The following EMP1 variants were observed in gnomAD, a reference collection of about 807,000 sequenced individuals.
EMP1 encodes the protein epithelial membrane protein 1, also known as tumor-associated membrane protein.
EMP1 carries 5 observed loss-of-function variants against 15.7 expected under a neutral mutation model. The ratio of observed to expected loss-of-function variants is 0.32; its 90% CI spans 0.17 to 0.67. EMP1 has a LOEUF of 0.67. EMP1 is among the 30% of genes least tolerant of loss of function. EMP1 has a pLI of 0.74. For missense variants in EMP1, 166 were observed against 194.2 expected, an observed-to-expected ratio of 0.85 and a Z score of 0.86; for synonymous variants, 78 against 76.7, an observed-to-expected ratio of 1.02 and a Z score of -0.09.
rs1864217695 is a variant in EMP1, at chr12:13,216,565, C to CTTCT, written c.*1875_*1876insTCTT. The CTTCT allele has an allele frequency of 6.0e-6, 4 of 667,282 alleles. No individual in the cohort carries two copies. The highest frequency in any genetic ancestry group is 1.1e-5 in the Non-Finnish European group (4 of 368,658). 41.3% of individuals were successfully genotyped at this position (667,282 alleles called of 1,614,324 possible). A position where few individuals can be genotyped will look rare whatever the true frequency, so the allele number is the denominator to read the frequency against. On this transcript the variant is annotated 3_prime_UTR_variant, in exon 5 of 5. Transcript: ENST00000256951. ...ACTCACATTTTGTTAAGAAGTTGAA[C>CTTCT]TATGACTGGAGTAAACCATGTATTC...
chr12:13,208,206 A>G (rs890886160), intron 1 of EMP1, among the ~76,000 whole-genome samples: 2 of 152,228 alleles, frequency 1.3e-5, no homozygotes, highest in Admixed American at 6.5e-5. Flanking sequence ...GTATGAAGCA[A>G]GATTCACAAT....
At chr12:13,203,988 G>A (rs1160040330) in intron 1 of EMP1, among the ~76,000 whole-genome samples, 3 of 152,134 alleles carry the variant, frequency 2.0e-5, no homozygotes, top group African/African-American at 4.8e-5. Flanking sequence ...AGACCAACAC[G>A]ACTTGCTGTA....
chr12:13,213,100 CT>C (rs1279375986), intron 2 of EMP1, among the ~76,000 whole-genome samples: 1 of 152,206 alleles, frequency 6.6e-6, no homozygotes, highest in Non-Finnish European at 1.5e-5. Context: ...ATGAAACAAT[CT>C]TGTTAGAGTA....
intron 2 of EMP1, among the ~76,000 whole-genome samples, chr12:13,212,053 G>A (rs553646967): frequency 1.3e-5 from 2 of 152,352 alleles, no homozygotes; most frequent in East Asian, 3.9e-4. Flanking sequence ...GGCTGGAGCC[G>A]AACTTCCCCT....
rs1864166993 is a variant in EMP1, at chr12:13,211,786, T to C, written c.78+198T>C. 3.3e-6 allele frequency: 2 copies of C among 613,120 alleles called. No homozygotes were observed. Among genetic ancestry groups the C allele is most frequent in the Admixed American group, 3.0e-5 (1 of 33,378 alleles). The allele number at this position is 613,120 out of a possible 1,614,324, so 38.0% of individuals were successfully genotyped here. On this transcript the variant is annotated intron_variant, in intron 2 of 4. Coordinates refer to ENST00000256951, the MANE Select transcript of EMP1 (RefSeq NM_001423.3). The surrounding 1 kb of genome is among the most constrained non-coding windows in gnomAD (Gnocchi z 4.7). The stretch of plus-strand genomic sequence containing the variant: ...TAAAAGTGAATGTCCACAGGAGTAA[T>C]CCTGCCAGAGCTGTAGGTGGTTAAG...
intron 1 of EMP1, among the ~76,000 whole-genome samples, chr12:13,200,530 C>A (rs1325987492): frequency 6.6e-6 from 1 of 152,202 alleles, no homozygotes; most frequent in Non-Finnish European, 1.5e-5. Flanking sequence ...CTGGACTGCA[C>A]TTGCTATTCA....
At position 13,211,354 on chromosome 12, in the gene EMP1, T is replaced by A; in HGVS notation, c.-42-115T>A. On this transcript the variant is annotated intron_variant, in intron 1 of 4. Coordinates refer to ENST00000256951, the MANE Select transcript of EMP1 (RefSeq NM_001423.3). This position sits in a 1 kb window ranked among gnomAD's most constrained non-coding sequence, Gnocchi z 4.7. ...TCAGGAATTTATGATTAGATTGTGA[T>A]GGTTTTTAGTGCAGCTCTTCCTCAT... is the stretch of plus-strand genomic sequence containing the variant. 1 of 724,684 alleles carries A rather than the reference T, an allele frequency of 1.4e-6. No homozygotes were observed. Among genetic ancestry groups the A allele is most frequent in the Non-Finnish European group, 2.4e-6 (1 of 421,174 alleles). The allele number at this position is 724,684 out of a possible 1,614,324, so 44.9% of individuals were successfully genotyped here.
chr12:13,210,632 AATGTC>A (rs1864156728), intron 1 of EMP1, among the ~76,000 whole-genome samples: 1 of 152,184 alleles, frequency 6.6e-6, no homozygotes. Context: ...AATTTGTGTA[AATGTC>A]ATGTACAAGG....
intron 1 of EMP1, among the ~76,000 whole-genome samples, chr12:13,206,789 C>T (rs570020827): frequency 6.6e-6 from 1 of 152,286 alleles, no homozygotes; most frequent in Admixed American, 6.5e-5. Context: ...TAGTTACCCA[C>T]CAGAAAAGGA....
intron 1 of EMP1, among the ~76,000 whole-genome samples, chr12:13,203,095 G>A (rs530061731): frequency 7.2e-5 from 11 of 152,220 alleles, no homozygotes; most frequent in African/African-American, 2.2e-4. Context: ...CTAGGCGAGG[G>A]GCCTCCCCTC....
At chr12:13,210,162 CT>C (rs1565579088) in intron 1 of EMP1, among the ~76,000 whole-genome samples, 45 of 152,208 alleles carry the variant, frequency 3.0e-4, no homozygotes, top group Non-Finnish European at 5.4e-4. Flanking sequence ...TCAGTGCTCT[CT>C]AATAAATACC....
At chr12:13,212,518 G>A (rs149260278) in intron 2 of EMP1, among the ~76,000 whole-genome samples, 19 of 152,292 alleles carry the variant, frequency 1.2e-4, no homozygotes, top group African/African-American at 4.1e-4. Context: ...GACAACCCCC[G>A]CCCACGTGAC....
In EMP1 at chr12:13,211,646, A is replaced by G. The variant is rs188160823; in HGVS notation, c.78+58A>G. Reference sequence around the variant, plus strand: ...GAGAAATCATTCGAATATTTACATCAAGTGCACAAAAGAAGTTTAAGCCAC... The same window carrying G: ...GAGAAATCATTCGAATATTTACATCGAGTGCACAAAAGAAGTTTAAGCCAC... On this transcript the variant is annotated intron_variant, in intron 2 of 4. Coordinates refer to ENST00000256951, the MANE Select transcript of EMP1 (RefSeq NM_001423.3). This position sits in a 1 kb window ranked among gnomAD's most constrained non-coding sequence, Gnocchi z 4.7. 1 of 1,592,284 alleles carries G rather than the reference A, an allele frequency of 6.3e-7. No homozygotes were observed. The highest frequency in any genetic ancestry group is 2.2e-5 in the East Asian group (1 of 44,770).
rs1168522576 is a variant in EMP1 at position 13,213,560 on chromosome 12, T to C, written c.160T>C (p.Ser54Pro). 1 of 1,614,184 alleles carries C rather than the reference T, an allele frequency of 6.2e-7. No individual in the cohort carries two copies. Among genetic ancestry groups the C allele is most frequent in the Non-Finnish European group, 8.5e-7 (1 of 1,180,026 alleles). ...CTNISCSDSL[S>P]YASEDALKTV... is the part of the protein sequence containing the mutation. ...CAACATTAGCTGCAGTGACAGCCTG[T>C]CATATGCCAGTGAAGGTATATATAA... Residue 54 changes from serine (S) to proline (P), a missense_variant, in exon 3 of 5, where the codon TCA becomes CCA. Physicochemically the swap from Ser to Pro is moderately conservative, Grantham distance 74 (BLOSUM62 -1). Coordinates refer to ENST00000256951, the MANE Select transcript of EMP1 (RefSeq NM_001423.3).
rs1033710865 is a variant in EMP1 at position 13,218,406 on chromosome 12, C to A, written c.*3715C>A. On this transcript the variant is annotated 3_prime_UTR_variant, in exon 5 of 5. Transcript: ENST00000256951. The stretch of plus-strand genomic sequence containing the variant: ...ATCCTGTATAGATGAAATGTCCTAG[C>A]GAAAATGTTTAAATGTATTTAAAGA... The A allele has an allele frequency of 6.6e-6, 1 of 151,820 alleles. No homozygotes were observed. Among genetic ancestry groups the A allele is most frequent in the Non-Finnish European group, 1.5e-5 (1 of 67,990 alleles). The allele number at this position is 151,820 out of a possible 1,614,324, so 9.4% of individuals were successfully genotyped here.
At chr12:13,207,222 C>T (rs1206298390) in intron 1 of EMP1, among the ~76,000 whole-genome samples, 1 of 152,170 alleles carries the variant, frequency 6.6e-6, no homozygotes, top group Non-Finnish European at 1.5e-5. Context: ...AGTGATTCTC[C>T]TGCCTCAGCC....
chr12:13,208,467 A>G (rs1864133464), intron 1 of EMP1, among the ~76,000 whole-genome samples: 2 of 152,228 alleles, frequency 1.3e-5, no homozygotes, highest in Non-Finnish European at 2.9e-5. Flanking sequence ...GATTCAGCCC[A>G]GAAACTCAAG....
In EMP1 at chr12:13,213,536, A is replaced by C. The variant is rs745988716; in HGVS notation, c.136A>C (p.Asn46His). The C allele has an allele frequency of 6.2e-7, 1 of 1,614,246 alleles. No individual in the cohort carries two copies. The highest frequency in any genetic ancestry group is 8.5e-7 in the Non-Finnish European group (1 of 1,180,044). ...ASVGLWKNCT[N>H]ISCSDSLSYA... ...AGTAGGTCTTTGGAAAAACTGTACCAACATTAGCTGCAGTGACAGCCTGTC... is the reference window on the plus strand; with the variant it reads ...AGTAGGTCTTTGGAAAAACTGTACCCACATTAGCTGCAGTGACAGCCTGTC... Residue 46 changes from asparagine to histidine, a missense_variant, in exon 3 of 5, where the codon AAC becomes CAC. Physicochemically the swap from Asn to His is moderately conservative, Grantham distance 68. Transcript: ENST00000256951.
rs1864241370 is a variant in EMP1, at chr12:13,219,504, G to A, written c.*4813G>A. 1 of 152,084 alleles carries A rather than the reference G, an allele frequency of 6.6e-6. No individual in the cohort carries two copies. Among genetic ancestry groups the A allele is most frequent in the South Asian group, 2.1e-4 (1 of 4,826 alleles). 9.4% of individuals were successfully genotyped at this position (152,084 alleles called of 1,614,324 possible). Reference sequence around the variant, plus strand: ...CTCTACCCGTTACCCAGTTCCAAAGGTGCTTCCACACTTTCAAGTATCTTT... The same window carrying A: ...CTCTACCCGTTACCCAGTTCCAAAGATGCTTCCACACTTTCAAGTATCTTT... On this transcript the variant is annotated 3_prime_UTR_variant, in exon 5 of 5. Transcript: ENST00000256951.
Sources: gnomAD v4.1 joint callset for allele counts (sites outside exome capture counted in the v4.1 genomes callset) on GRCh38, gnomAD v4.1.1 for gene constraint, Gnocchi (gnomAD v3.1) non-coding constraint, MANE v1.5 for transcripts, NCBI Gene and HGNC (gene_info 2026-07-23, HGNC 2026-07-21) for gene names.